Variants in C1QTNF6 observed in about 807,000 individuals in gnomAD.
C1QTNF6 encodes the protein complement C1q tumor necrosis factor-related protein 6.
In C1QTNF6, 17 loss-of-function variants were observed where a neutral mutation model predicts 20.7. The ratio of observed to expected loss-of-function variants is 0.82; its 90% CI spans 0.56 to 1.23. The LOEUF is 1.23. C1QTNF6 is among the 50% of genes most tolerant of loss of function. C1QTNF6 has a pLI of 0.00. For missense variants in C1QTNF6, 329 were observed against 389.7 expected, an observed-to-expected ratio of 0.84 and a Z score of 1.31; for synonymous variants, 130 against 156.3, an observed-to-expected ratio of 0.83 and a Z score of 1.25.
intron 1 of C1QTNF6, chr22:37,185,717 C>A: frequency 4.3e-6 from 5 of 1,160,572 alleles, no homozygotes; most frequent in Non-Finnish European, 5.3e-6. Flanking sequence ...TTCTGCTCCA[C>A]ACAGGCCTTG....
upstream of C1QTNF6, among the ~76,000 whole-genome samples, chr22:37,199,121 C>G (rs1294701600): frequency 6.6e-6 from 1 of 152,250 alleles, no homozygotes; most frequent in South Asian, 2.1e-4. Context: ...ACTTCCTCCC[C>G]CGACACGACA....
At chr22:37,185,512 G>C in intron 1 of C1QTNF6, 57 bp from the exon 2 acceptor site, 2 of 1,483,732 alleles carry the variant, frequency 1.3e-6, no homozygotes, top group Non-Finnish European at 1.8e-6. Context: ...ACTATGTGCC[G>C]ATGCCTGGGG....
chr22:37,198,699 CCCCGCCCGTCCCACCAG>C (rs1432526279), upstream of C1QTNF6, among the ~76,000 whole-genome samples: 2 of 152,160 alleles, frequency 1.3e-5, no homozygotes, highest in African/African-American at 4.8e-5. Context: ...GGTCCCCGGC[CCCCGCCCGTCCCACCAG>C]CCCGTCCCCT....
chr22:37,197,034 TC>T, intron 1 of C1QTNF6: 1 of 152,326 alleles, frequency 6.6e-6, no homozygotes, highest in East Asian at 1.9e-4. Context: ...GGCCCAAAGG[TC>T]ACATGGCAGA....
At chr22:37,195,982 C>A (rs935778816) in intron 1 of C1QTNF6, 1 of 152,174 alleles carries the variant, frequency 6.6e-6, no homozygotes, top group South Asian at 2.1e-4. Flanking sequence ...ACCAGTCCTG[C>A]CGACTCCCAT....
At chr22:37,188,571 G>C (rs1051837179), upstream of C1QTNF6, 1 of 203,298 alleles carries the variant, frequency 4.9e-6, no homozygotes, top group Non-Finnish European at 9.8e-6. Context: ...TGCTCAGGAA[G>C]GGGGAGGCAG....
Position 37,194,166 on chromosome 22 carries a change from T to C in C1QTNF6, n.224+1215A>G, listed in dbSNP as rs1006439628. ...AAAAAGACAAGACAGAAACCTCATC[T>C]AGTTTTTGTTTCAGGGACCTGCCGC... On this transcript the variant is annotated intron_variant and non_coding_transcript_variant, in intron 2 of 4. Transcript: ENST00000467564. Among the ~76,000 whole-genome samples the C allele has an allele frequency of 5.3e-5, 8 of 152,182 alleles. No homozygotes were observed. The South Asian group carries it at 1.4e-3, about 28-fold the overall frequency.
chr22:37,187,788 C>T (rs375890257), intron 1 of C1QTNF6, among the ~76,000 whole-genome samples: 2 of 152,084 alleles, frequency 1.3e-5, no homozygotes, highest in Admixed American at 1.3e-4. Context: ...GCCAGGATCA[C>T]GAACTAGCTC....
chr22:37,194,743 G>C (rs1925038269), intron 2 of C1QTNF6, among the ~76,000 whole-genome samples: 1 of 152,202 alleles, frequency 6.6e-6, no homozygotes, highest in South Asian at 2.1e-4. Flanking sequence ...GCTCAAACTT[G>C]CTCCCGATGG....
rs186155712 is a variant in C1QTNF6 at position 37,184,657 on chromosome 22, C to G, written c.289+561G>C. 4.1e-4 allele frequency among the ~76,000 whole-genome samples: 62 copies of G among 152,264 alleles called. No homozygotes were observed. The highest frequency in any genetic ancestry group is 1.4e-3 in the African/African-American group (58 of 41,546). On this transcript the variant is annotated intron_variant, in intron 2 of 2. Transcript: ENST00000337843. The surrounding 1 kb of genome is among the most constrained non-coding windows in gnomAD (Gnocchi z 4.0). ...GATCCATTTGAAACCTGGGTGGGAT[C>G]AAGTCCCTGTCCCACCCAAACCTGC...
rs1056026067 is a variant in C1QTNF6, at chr22:37,181,450, G to C, written c.*738C>G. 1.3e-5 allele frequency: 2 copies of C among 152,278 alleles called. No individual in the cohort carries two copies. The highest frequency in any genetic ancestry group is 2.9e-5 in the Non-Finnish European group (2 of 68,116). The allele number at this position is 152,278 out of a possible 1,614,324, so 9.4% of individuals were successfully genotyped here. A position where few individuals can be genotyped will look rare whatever the true frequency, so the allele number is the denominator to read the frequency against. ...CACCTGTAATCCCAGCATTTTGAGA[G>C]GCCGAGGCGGGTGGGTCACCTGAAG... On this transcript the variant is annotated 3_prime_UTR_variant, in exon 3 of 3. Transcript: ENST00000337843.
At chr22:37,192,617 G>A (rs1924889270), upstream of C1QTNF6, among the ~76,000 whole-genome samples, 1 of 152,194 alleles carries the variant, frequency 6.6e-6, no homozygotes, top group Non-Finnish European at 1.5e-5. Flanking sequence ...TAATGTTACT[G>A]ATAATCTTTA....
chr22:37,189,114 C>G (rs768644600), upstream of C1QTNF6, among the ~76,000 whole-genome samples: 9 of 152,128 alleles, frequency 5.9e-5, no homozygotes, highest in Non-Finnish European at 1.2e-4. Context: ...CTTCCTCCCC[C>G]TTTTAGACAA....
upstream of C1QTNF6, among the ~76,000 whole-genome samples, chr22:37,189,202 A>G (rs1924649165): frequency 6.6e-6 from 1 of 152,198 alleles, no homozygotes; most frequent in Admixed American, 6.5e-5. Context: ...TAGCAAGCTA[A>G]CACATTTTAA....
upstream of C1QTNF6, chr22:37,190,592 T>G (rs1924752533): frequency 6.6e-6 from 1 of 152,182 alleles, no homozygotes; most frequent in African/African-American, 2.4e-5. Context: ...TAGTCAACTT[T>G]AATTCCTTAA....
chr22:37,187,120 T>C (rs889164717), intron 1 of C1QTNF6, among the ~76,000 whole-genome samples: 1 of 152,076 alleles, frequency 6.6e-6, no homozygotes, highest in African/African-American at 2.4e-5. Context: ...CAGAGCTGGA[T>C]GGTAGCAGCA....
At chr22:37,188,394 G>C (rs1411033892), upstream of C1QTNF6, 4 of 518,118 alleles carry the variant, frequency 7.7e-6, no homozygotes, top group Non-Finnish European at 1.3e-5. Context: ...TCAGCCTCTG[G>C]GTTCTGCGGA....
chr22:37,191,991 T>C (rs1193699747), upstream of C1QTNF6, among the ~76,000 whole-genome samples: 1 of 152,126 alleles, frequency 6.6e-6, no homozygotes, highest in Non-Finnish European at 1.5e-5. Flanking sequence ...AACCTTGTTA[T>C]ACTTTTATTC....
chr22:37,190,101 T>G (rs1225471645), upstream of C1QTNF6, among the ~76,000 whole-genome samples: 1 of 152,216 alleles, frequency 6.6e-6, no homozygotes, highest in Non-Finnish European at 1.5e-5. Context: ...CAGTCTAAAT[T>G]GCAGACAAAA....
Sources: gnomAD v4.1 joint callset for allele counts (sites outside exome capture counted in the v4.1 genomes callset) on GRCh38, gnomAD v4.1.1 for gene constraint, Gnocchi (gnomAD v3.1) non-coding constraint, MANE v1.5 for transcripts, NCBI Gene and HGNC (gene_info 2026-07-23, HGNC 2026-07-21) for gene names.